Variants in KCNN2 observed in about 807,000 individuals in gnomAD.
KCNN2 encodes potassium calcium-activated channel subfamily N member 2.
A neutral mutation model predicts 55.5 loss-of-function variants in KCNN2; 24 were observed. The ratio of observed to expected loss-of-function variants is 0.43; its 90% confidence interval spans 0.31 to 0.61. The LOEUF (loss-of-function observed/expected upper bound fraction) is 0.61. KCNN2 is among the 20% of genes least tolerant of loss of function. The pLI, the probability that KCNN2 is intolerant of heterozygous loss-of-function variation, is 0.08. For synonymous variants in KCNN2, 431 were observed against 336.1 expected (o/e 1.28, Z -3.09); for missense variants, 754 against 853.6 (o/e 0.88, Z 1.45).
At chr5:114,294,090 T>C (rs1361814806) in intron 2 of KCNN2, among the ~76,000 whole-genome samples, 1 of 152,202 alleles carries the variant, frequency 6.6e-6, no homozygotes, top group East Asian at 1.9e-4. Flanking sequence ...TCTTTTTTTC[T>C]TTATTAGTCT....
chr5:114,396,324 G>A (rs931453334), intron 2 of KCNN2, among the ~76,000 whole-genome samples: 4 of 151,912 alleles, frequency 2.6e-5, no homozygotes, highest in East Asian at 1.9e-4. Context: ...TAATTAAGAG[G>A]GAGAAACCGG....
intron 5 of KCNN2, among the ~76,000 whole-genome samples, chr5:114,477,674 A>G (rs1037965748): frequency 1.3e-5 from 2 of 152,174 alleles, no homozygotes; most frequent in South Asian, 4.1e-4. Flanking sequence ...TTTTGGAAAT[A>G]TATTATTATT....
At chr5:114,173,781 T>C (rs116331796) in intron 1 of KCNN2, among the ~76,000 whole-genome samples, 2,720 of 152,028 alleles carry the variant, frequency 0.018, 78 homozygotes, top group African/African-American at 0.061. Flanking sequence ...ATATTTTTAC[T>C]ATATTATTTT....
chr5:114,160,426 A>G (rs1752745426), intron 1 of KCNN2, among the ~76,000 whole-genome samples: 1 of 152,110 alleles, frequency 6.6e-6, no homozygotes, highest in Non-Finnish European at 1.5e-5. Flanking sequence ...ACTTCCAATT[A>G]TGTGGTCAAT....
At chr5:114,171,082 T>A (rs1001916747) in intron 1 of KCNN2, among the ~76,000 whole-genome samples, 8 of 151,994 alleles carry the variant, frequency 5.3e-5, no homozygotes, top group African/African-American at 1.7e-4. Context: ...ACTCTCTATC[T>A]TTCCATTCTG....
intron 1 of KCNN2, among the ~76,000 whole-genome samples, chr5:114,087,488 T>G (rs1219660724): frequency 6.6e-6 from 1 of 152,190 alleles, no homozygotes; most frequent in Non-Finnish European, 1.5e-5. Flanking sequence ...TTTATTCTTC[T>G]GCATGTGGCT....
At position 114,210,522 on chromosome 5, in the gene KCNN2, C is replaced by A. The variant is rs1313465353; in HGVS notation, c.-270-10958C>A. On this transcript the variant is annotated intron_variant, in intron 1 of 10. Coordinates refer to the KCNN2 transcript ENST00000512097. ...AAGCTTGTAAAAGTAGTCTTTATGG[C>A]AAGCCAACCTTGACATAAGTAATAA... Among the ~76,000 whole-genome samples the A allele has an allele frequency of 2.6e-5, 4 of 152,212 alleles. No individual in the cohort carries two copies. In the South Asian group the frequency reaches 6.2e-4, roughly 24 times the overall value.
At chr5:114,431,115 T>C (rs1379346081) in intron 3 of KCNN2, among the ~76,000 whole-genome samples, 1 of 152,062 alleles carries the variant, frequency 6.6e-6, no homozygotes, top group Admixed American at 6.5e-5. Context: ...AGTTAGAAAC[T>C]TACCCCCCCA....
chr5:114,062,709 A>G (rs1037867857), intron 1 of KCNN2, among the ~76,000 whole-genome samples: 2 of 152,172 alleles, frequency 1.3e-5, no homozygotes, highest in African/African-American at 4.8e-5. Flanking sequence ...CTTCCAATTC[A>G]TGCGTTATTA....
chr5:114,065,849 T>G lies in KCNN2; in HGVS notation c.-271+9349T>G, dbSNP rs891699247. Among the ~76,000 whole-genome samples the G allele has an allele frequency of 3.4e-3, 7 of 2,032 alleles. No individual in the cohort carries two copies. The Non-Finnish European group carries it at 0.053, about 15-fold the overall frequency. The allele number at this position is 2,032 out of a possible 152,430, so 1.3% of individuals were successfully genotyped here. A position where few individuals can be genotyped will look rare whatever the true frequency, so the allele number is the denominator to read the frequency against. On this transcript the variant is annotated intron_variant, in intron 1 of 10. Transcript: ENST00000512097. The stretch of plus-strand genomic sequence containing the variant: ...TTTTAGCTATTCTCCTATGCAGGTT[T>G]TTTTTTTTTTTTTTTTTTTTTTTTT...
At chr5:114,359,057 ATATT>A (rs1188765736), upstream of KCNN2, among the ~76,000 whole-genome samples, 1 of 152,242 alleles carries the variant, frequency 6.6e-6, no homozygotes, top group Non-Finnish European at 1.5e-5. Context: ...CAATATACAG[ATATT>A]TATTAGCAAG....
intron 1 of KCNN2, among the ~76,000 whole-genome samples, chr5:114,086,628 G>A (rs1751022248): frequency 6.6e-6 from 1 of 151,784 alleles, no homozygotes; most frequent in Non-Finnish European, 1.5e-5. Context: ...CTTTTTTATG[G>A]CAGGTAGTAT....
At chr5:114,458,826 G>T (rs561875661) in intron 3 of KCNN2, among the ~76,000 whole-genome samples, 1 of 152,178 alleles carries the variant, frequency 6.6e-6, no homozygotes, top group African/African-American at 2.4e-5. Flanking sequence ...CAGATCCTCA[G>T]AGTACAAACG....
chr5:114,331,700 C>A (rs1451197148), intron 2 of KCNN2, among the ~76,000 whole-genome samples: 1 of 152,188 alleles, frequency 6.6e-6, no homozygotes, highest in Non-Finnish European at 1.5e-5. Flanking sequence ...CAAGTATGTT[C>A]TCTATAAACA....
rs78761712 is a variant in KCNN2 at position 114,187,146 on chromosome 5, C to G, written c.-270-34334C>G. Among the ~76,000 whole-genome samples the G allele has an allele frequency of 4.2e-4, 64 of 152,156 alleles. No individual in the cohort carries two copies. In the East Asian group the frequency reaches 0.012, roughly 28 times the overall value. ...TAGTTATTAATTTTATCCTAAATGA[C>G]TGGTTAAGTATTCTAGGTGAGAGAC... On this transcript the variant is annotated intron_variant, in intron 1 of 10. Transcript: ENST00000512097.
In KCNN2 at chr5:114,404,704, C is replaced by T; in HGVS notation, c.1485C>T (p.Ala495=). The change falls in exon 3 of 8, where the codon GCC becomes GCT. Residue 495 remains alanine (A), a synonymous_variant. Transcript: ENST00000673685. ...MLLHSKLFTD[A]SSRSIGALNK... ...TACATAGCAAACTTTTCACTGATGCCTCCTCTAGAAGCATTGGAGCACTTA... is the reference window on the plus strand; with the variant it reads ...TACATAGCAAACTTTTCACTGATGCTTCCTCTAGAAGCATTGGAGCACTTA... The T allele has an allele frequency of 6.2e-7, 1 of 1,614,004 alleles. No individual in the cohort carries two copies. The highest frequency in any genetic ancestry group is 2.2e-5 in the East Asian group (1 of 44,882).
At chr5:114,307,835 C>T (rs1414867186) in intron 2 of KCNN2, among the ~76,000 whole-genome samples, 1 of 152,038 alleles carries the variant, frequency 6.6e-6, no homozygotes, top group African/African-American at 2.4e-5. Context: ...ATGAACCATC[C>T]AGCAGCATAT....
chr5:114,256,127 C>G (rs1392222150), intron 2 of KCNN2, among the ~76,000 whole-genome samples: 1 of 152,086 alleles, frequency 6.6e-6, no homozygotes, highest in African/African-American at 2.4e-5. Flanking sequence ...GAGTATTTTA[C>G]TTAAGATAAT....
intron 1 of KCNN2, among the ~76,000 whole-genome samples, chr5:114,119,808 T>G (rs1165558617): frequency 3.3e-5 from 5 of 152,142 alleles, no homozygotes; most frequent in African/African-American, 1.2e-4. Flanking sequence ...GCAAAGTGAC[T>G]ATAGCCCAAA....
Sources: gnomAD v4.1 joint callset for allele counts (sites outside exome capture counted in the v4.1 genomes callset) on GRCh38, gnomAD v4.1.1 for gene constraint, MANE v1.5 for transcripts, NCBI Gene and HGNC (gene_info 2026-07-23, HGNC 2026-07-21) for gene names.